The following PCOLCE2 variants were observed in gnomAD, a reference collection of about 807,000 sequenced individuals.
The protein encoded by PCOLCE2 is procollagen C-proteinase enhancer 2.
PCOLCE2 carries 42 observed loss-of-function variants against 47.0 expected under a neutral mutation model. That is an observed-to-expected ratio of 0.89 (90% confidence interval 0.70 to 1.16). The LOEUF (loss-of-function observed/expected upper bound fraction) is 1.16. Among genes scored for constraint, PCOLCE2 ranks in the 50% most tolerant of loss-of-function variants. PCOLCE2 has a pLI of 0.00. For synonymous variants in PCOLCE2, 169 were observed against 191.7 expected, an observed-to-expected ratio of 0.88 and a Z score of 0.98; for missense variants, 500 against 526.1, an observed-to-expected ratio of 0.95 and a Z score of 0.49.
intron 2 of PCOLCE2, 52 bp from the exon 3 acceptor site, chr3:142,848,524 C>A: frequency 6.9e-7 from 1 of 1,450,344 alleles, no homozygotes; most frequent in South Asian, 1.3e-5. Flanking sequence ...ATATCTGAGG[C>A]TTTGACATCT....
In PCOLCE2 at chr3:142,841,523, G is replaced by C. The variant is rs187198023; in HGVS notation, c.573+1401C>G. Among the ~76,000 whole-genome samples the C allele has an allele frequency of 3.1e-3, 474 of 152,062 alleles. 1 individual carries two copies. Among genetic ancestry groups the C allele is most frequent in the Admixed American group, 5.6e-3 (85 of 15,280 alleles). On this transcript the variant is annotated intron_variant, in intron 4 of 8. Coordinates refer to ENST00000295992, the MANE Select transcript of PCOLCE2 (RefSeq NM_013363.4). ...AATATAATTTCAAGAATTACATAAT[G>C]GTTTAAATGTTTCAGAAACACAATT...
intron 2 of PCOLCE2, among the ~76,000 whole-genome samples, chr3:142,876,408 G>C (rs1933499046): frequency 6.6e-6 from 1 of 152,296 alleles, no homozygotes; most frequent in South Asian, 2.1e-4. Context: ...CTGAGGCACA[G>C]GGAGGTTAAG....
At chr3:142,827,085 G>A in intron 6 of PCOLCE2, 1 of 1,301,870 alleles carries the variant, frequency 7.7e-7, no homozygotes, top group Non-Finnish European at 1.1e-6. Flanking sequence ...ACTTTATTGA[G>A]CCCCTTAGCA....
intron 5 of PCOLCE2, among the ~76,000 whole-genome samples, chr3:142,835,750 C>G (rs1937195637): frequency 6.6e-6 from 1 of 152,140 alleles, no homozygotes. Flanking sequence ...TCAAGTGATC[C>G]TCCGCCTCAG....
intron 5 of PCOLCE2, among the ~76,000 whole-genome samples, chr3:142,833,384 A>G (rs7622953): frequency 0.46 from 69,200 of 151,408 alleles, 16,306 homozygotes; most frequent in African/African-American, 0.52. Context: ...GGATTTCCAC[A>G]TTGCCCAGGC....
chr3:142,842,870 C>G lies in PCOLCE2; in HGVS notation c.573+54G>C. 6.3e-7 allele frequency: 1 copy of G among 1,594,770 alleles called. No individual in the cohort carries two copies. The highest frequency in any genetic ancestry group is 8.6e-7 in the Non-Finnish European group (1 of 1,165,578). ...GGCTCTTGAGAGTTGGTGGGCCCCCCACACTGGGCAATTCACACATGCATG... is the reference window on the plus strand; with the variant it reads ...GGCTCTTGAGAGTTGGTGGGCCCCCGACACTGGGCAATTCACACATGCATG... On this transcript the variant is annotated intron_variant, in intron 4 of 8. Transcript: ENST00000295992. The surrounding 1 kb of genome is among the most constrained non-coding windows in gnomAD (Gnocchi z 4.1).
rs1165085359 is a variant in PCOLCE2 at position 142,868,274 on chromosome 3, A to G, written c.192+19395T>C. 2.0e-5 allele frequency among the ~76,000 whole-genome samples: 3 copies of G among 152,148 alleles called. No homozygotes were observed. The East Asian group carries it at 5.8e-4, about 29-fold the overall frequency. Reference sequence around the variant, plus strand: ...CACTTAATAGTAATATACACAGTCCATTGTAAACCAAAAACAAAATTCTAA... The same window carrying G: ...CACTTAATAGTAATATACACAGTCCGTTGTAAACCAAAAACAAAATTCTAA... On this transcript the variant is annotated intron_variant, in intron 2 of 8. Transcript: ENST00000295992.
At chr3:142,885,786 G>T (rs1578054213) in intron 2 of PCOLCE2, among the ~76,000 whole-genome samples, 1 of 152,074 alleles carries the variant, frequency 6.6e-6, no homozygotes, top group South Asian at 2.1e-4. Flanking sequence ...TCATTCCTCT[G>T]CTTAAGATCT....
chr3:142,838,674 A>G (rs913288384), intron 5 of PCOLCE2, 96 bp downstream of exon 5: 1 of 1,138,982 alleles, frequency 8.8e-7, no homozygotes, highest in Non-Finnish European at 1.3e-6. Context: ...CAACAACAAC[A>G]TAAAATCTTC....
At chr3:142,850,283 A>C (rs1395001958) in intron 2 of PCOLCE2, among the ~76,000 whole-genome samples, 1 of 152,190 alleles carries the variant, frequency 6.6e-6, no homozygotes, top group African/African-American at 2.4e-5. Flanking sequence ...ATCACCGAAA[A>C]AGTCCTAGCC....
chr3:142,831,730 CAAAGG>C (rs1388111933), intron 5 of PCOLCE2, among the ~76,000 whole-genome samples: 1 of 152,094 alleles, frequency 6.6e-6, no homozygotes, highest in Non-Finnish European at 1.5e-5. Flanking sequence ...TTATAAGCAG[CAAAGG>C]AAAGGAAAGA....
intron 3 of PCOLCE2, among the ~76,000 whole-genome samples, chr3:142,847,228 A>G (rs777972557): frequency 6.6e-6 from 1 of 152,090 alleles, no homozygotes; most frequent in South Asian, 2.1e-4. Context: ...GCTCTCCTCC[A>G]CATATGTAGA....
intron 2 of PCOLCE2, among the ~76,000 whole-genome samples, chr3:142,876,868 T>C (rs1216592785): frequency 6.6e-6 from 1 of 152,156 alleles, no homozygotes; most frequent in Non-Finnish European, 1.5e-5. Context: ...CCAGATTCAA[T>C]GCTGGGGGAT....
chr3:142,883,750 A>T (rs1933670224), intron 2 of PCOLCE2, among the ~76,000 whole-genome samples: 1 of 152,182 alleles, frequency 6.6e-6, no homozygotes, highest in Non-Finnish European at 1.5e-5. Flanking sequence ...TGTATCTCTA[A>T]TTCCATTATG....
chr3:142,839,171 C>T (rs1239045227), intron 4 of PCOLCE2, among the ~76,000 whole-genome samples: 1 of 152,142 alleles, frequency 6.6e-6, no homozygotes, highest in Non-Finnish European at 1.5e-5. Context: ...GAACTCTGTT[C>T]ACTTACAGCT....
intron 2 of PCOLCE2, among the ~76,000 whole-genome samples, chr3:142,877,951 T>C (rs946791619): frequency 5.9e-5 from 9 of 152,310 alleles, no homozygotes; most frequent in Non-Finnish European, 7.4e-5. Context: ...GACAATTTAT[T>C]TGGAGGAGCT....
intron 2 of PCOLCE2, chr3:142,864,610 A>G (rs1274955322): frequency 6.6e-6 from 1 of 152,176 alleles, no homozygotes; most frequent in African/African-American, 2.4e-5. Flanking sequence ...CTACAATCCA[A>G]TTTCAGAATA....
At chr3:142,858,839 T>TA (rs1041655123) in intron 2 of PCOLCE2, among the ~76,000 whole-genome samples, 1 of 152,098 alleles carries the variant, frequency 6.6e-6, no homozygotes, top group African/African-American at 2.4e-5. Context: ...ACAAAGTACT[T>TA]AAGTCATTTT....
rs778277528 is a variant in PCOLCE2 at position 142,835,012 on chromosome 3, T to C, written c.710+3758A>G. On this transcript the variant is annotated intron_variant, in intron 5 of 8. Transcript: ENST00000295992. ...AATATGGCTTTTTCTTTCTCCTGTGTCCATTTTTGCTTGAAAAAAATAGAG... is the reference window on the plus strand; with the variant it reads ...AATATGGCTTTTTCTTTCTCCTGTGCCCATTTTTGCTTGAAAAAAATAGAG... Among the ~76,000 whole-genome samples, 20 of 151,556 alleles carry C rather than the reference T, an allele frequency of 1.3e-4. 1 individual carries two copies. Among genetic ancestry groups the C allele is most frequent in the Non-Finnish European group, 2.1e-4 (14 of 67,802 alleles).
Sources: allele counts gnomAD v4.1 joint callset (sites outside exome capture counted in the v4.1 genomes callset), GRCh38; gene constraint gnomAD v4.1.1; non-coding constraint Gnocchi (gnomAD v3.1); transcripts MANE v1.5; gene names NCBI Gene and HGNC (gene_info 2026-07-23, HGNC 2026-07-21).